DHRSX: variants seen among roughly 807,000 people sequenced by gnomAD.
DHRSX encodes polyprenol dehydrogenase.
DHRSX carries 31 observed loss-of-function variants against 34.0 expected under a neutral mutation model. That is an observed-to-expected ratio of 0.91 (90% CI 0.69 to 1.23). The LOEUF (loss-of-function observed/expected upper bound fraction) is 1.23, where lower values mean the gene tolerates loss of function less well. DHRSX is among the 50% of genes most tolerant of loss of function. DHRSX has a pLI of 0.00. For synonymous variants in DHRSX, 201 were observed against 183.8 expected, an observed-to-expected ratio of 1.09 and a Z score of -0.76; for missense variants, 414 against 428.1, an observed-to-expected ratio of 0.97 and a Z score of 0.29.
Position 2,357,555 on chromosome X carries a change from G to T in DHRSX, c.286+51190C>A, listed in dbSNP as rs184780211. ...TGCCAATGGAAAAGCAAATCAGGTG[G>T]AAAGAGCTCTTCGTCAATGTGAGAT... is the stretch of plus-strand genomic sequence containing the variant. On this transcript the variant is annotated intron_variant, in intron 3 of 6. Transcript: ENST00000334651. Among the ~76,000 whole-genome samples the T allele has an allele frequency of 7.2e-3, 1,098 of 152,124 alleles. 3 individuals carry two copies. Among genetic ancestry groups the T allele is most frequent in the Non-Finnish European group, 0.012 (827 of 67,998 alleles).
chrX:2,446,975 A>C (rs1238978333), intron 1 of DHRSX, among the ~76,000 whole-genome samples: 5 of 151,718 alleles, frequency 3.3e-5, no homozygotes, highest in South Asian at 2.1e-4. Flanking sequence ...ATTCCCTAAG[A>C]ATGCAGCCAA....
chrX:2,344,907 AT>A (rs1357693374), intron 3 of DHRSX, among the ~76,000 whole-genome samples: 1 of 102,404 alleles, frequency 9.8e-6, no homozygotes, highest in Non-Finnish European at 2.2e-5. Flanking sequence ...ATATATATAT[AT>A]ATATATACTG....
intron 1 of DHRSX, among the ~76,000 whole-genome samples, chrX:2,446,137 C>A (rs2044130844): frequency 6.9e-6 from 1 of 144,426 alleles, no homozygotes; most frequent in African/African-American, 2.6e-5. Context: ...CAGAAGTGTG[C>A]GGCCAAGGGA....
chrX:2,229,780 C>T (rs972579251), intron 6 of DHRSX, among the ~76,000 whole-genome samples: 13 of 151,474 alleles, frequency 8.6e-5, no homozygotes, highest in Non-Finnish European at 1.8e-4. Context: ...CGCAGATGTG[C>T]GGGTATGGGC....
chrX:2,299,826 G>A (rs1007470522), intron 3 of DHRSX, among the ~76,000 whole-genome samples: 2 of 149,936 alleles, frequency 1.3e-5, no homozygotes, highest in African/African-American at 2.5e-5. Flanking sequence ...CTGCACTCCA[G>A]CCTGGGCGAC....
intron 3 of DHRSX, among the ~76,000 whole-genome samples, chrX:2,386,462 G>A (rs2043273680): frequency 6.6e-6 from 1 of 151,862 alleles, no homozygotes; most frequent in African/African-American, 2.4e-5. Flanking sequence ...CAGGTGACCC[G>A]CCCAACTCAG....
intron 2 of DHRSX, among the ~76,000 whole-genome samples, chrX:2,414,293 G>C (rs893211205): frequency 6.0e-5 from 9 of 151,202 alleles, no homozygotes; most frequent in Non-Finnish European, 5.9e-5. Flanking sequence ...ACTTCATTAT[G>C]ACCTAATACA....
intron 6 of DHRSX, among the ~76,000 whole-genome samples, chrX:2,228,937 T>C (rs1009110119): frequency 2.0e-5 from 3 of 152,254 alleles, no homozygotes; most frequent in East Asian, 1.9e-4. Flanking sequence ...GCAAGGAAAC[T>C]ACCTAACGCT....
chrX:2,354,007 A>G (rs1270030150), intron 3 of DHRSX, among the ~76,000 whole-genome samples: 1 of 152,096 alleles, frequency 6.6e-6, no homozygotes, highest in Non-Finnish European at 1.5e-5. Context: ...GCCCCTTTCC[A>G]TGACTTTTCT....
chrX:2,415,913 C>G (rs1226930689), intron 2 of DHRSX, among the ~76,000 whole-genome samples: 2 of 151,500 alleles, frequency 1.3e-5, no homozygotes, highest in Non-Finnish European at 2.9e-5. Context: ...CTAACTAGAC[C>G]TCATCAGAAC....
At chrX:2,322,888 C>G (rs748508291) in intron 3 of DHRSX, among the ~76,000 whole-genome samples, 1 of 152,018 alleles carries the variant, frequency 6.6e-6, no homozygotes, top group Non-Finnish European at 1.5e-5. Context: ...GCCCCTAACT[C>G]CCACATTGTT....
intron 3 of DHRSX, among the ~76,000 whole-genome samples, chrX:2,366,311 C>T (rs1211841541): frequency 1.3e-5 from 2 of 151,876 alleles, no homozygotes; most frequent in African/African-American, 4.8e-5. Context: ...AGTGGTTGGG[C>T]ATGGCTGTAA....
At chrX:2,268,154 A>C (rs1488413441) in intron 4 of DHRSX, among the ~76,000 whole-genome samples, 1 of 152,160 alleles carries the variant, frequency 6.6e-6, no homozygotes, top group Non-Finnish European at 1.5e-5. Flanking sequence ...TCTATCTACC[A>C]GACACAGAAC....
chrX:2,236,325 T>C (rs2016014549), intron 6 of DHRSX, among the ~76,000 whole-genome samples: 1 of 152,006 alleles, frequency 6.6e-6, no homozygotes, highest in African/African-American at 2.4e-5. Flanking sequence ...AGGGATTGGA[T>C]ACCTGGGGGA....
At chrX:2,427,814 T>C (rs2043868279) in intron 1 of DHRSX, among the ~76,000 whole-genome samples, 1 of 152,220 alleles carries the variant, frequency 6.6e-6, no homozygotes, top group African/African-American at 2.4e-5. Context: ...GATTATTTTG[T>C]TCAACATATT....
At chrX:2,286,711 A>T (rs757142235) in intron 4 of DHRSX, among the ~76,000 whole-genome samples, 37 of 150,812 alleles carry the variant, frequency 2.5e-4, no homozygotes, top group Non-Finnish European at 3.4e-4. Flanking sequence ...AAAAATCCAG[A>T]TCCTCTGCAA....
chrX:2,330,144 G>A (rs2042445110), intron 3 of DHRSX, among the ~76,000 whole-genome samples: 1 of 133,902 alleles, frequency 7.5e-6, no homozygotes, highest in Non-Finnish European at 1.6e-5. Context: ...GGAAGGAGGA[G>A]GAGGAGAAAG....
chrX:2,359,204 G>C (rs949181114), intron 3 of DHRSX, among the ~76,000 whole-genome samples: 1 of 152,094 alleles, frequency 6.6e-6, no homozygotes, highest in African/African-American at 2.4e-5. Context: ...ATTCCTCAAA[G>C]ACCTAAAAAC....
At chrX:2,225,310 GCA>G (rs1379158504) in intron 6 of DHRSX, among the ~76,000 whole-genome samples, 86 of 145,636 alleles carry the variant, frequency 5.9e-4, no homozygotes, top group African/African-American at 1.5e-3. Flanking sequence ...ACATTCACAT[GCA>G]CACATACACA....
Sources: gnomAD v4.1 joint callset for allele counts (sites outside exome capture counted in the v4.1 genomes callset) on GRCh38, gnomAD v4.1.1 for gene constraint, MANE v1.5 for transcripts, NCBI Gene and HGNC (gene_info 2026-07-23, HGNC 2026-07-21) for gene names.